MAD2L1BP: variants seen among roughly 807,000 people sequenced by gnomAD.
MAD2L1BP encodes the protein MAD2L1 binding protein, also known as MAD2L1-binding protein.
Under a neutral mutation model 28.4 loss-of-function variants are expected in MAD2L1BP, and 22 were observed. The observed-to-expected ratio is 0.77, with a 90% confidence interval of 0.55 to 1.10. MAD2L1BP has a LOEUF of 1.10. Among genes scored for constraint, MAD2L1BP ranks in the 50% least tolerant of loss-of-function variants. The pLI is 0.00. For missense variants in MAD2L1BP, 325 were observed against 350.5 expected, an observed-to-expected ratio of 0.93 and a Z score of 0.58; for synonymous variants, 146 against 133.7, an observed-to-expected ratio of 1.09 and a Z score of -0.63.
intron 2 of MAD2L1BP, among the ~76,000 whole-genome samples, chr6:43,639,138 T>G (rs1048783450): frequency 6.6e-6 from 1 of 151,826 alleles, no homozygotes; most frequent in African/African-American, 2.4e-5. Flanking sequence ...ACTCTTCATC[T>G]TCTTTCTTTT....
chr6:43,629,702 T>C (rs1484409741), exon 1 of MAD2L1BP: 4 of 1,548,180 alleles, frequency 2.6e-6, no homozygotes, highest in African/African-American at 2.7e-5. Flanking sequence ...CTGAGGCTAC[T>C]GGTGCCGCCA....
upstream of MAD2L1BP, among the ~76,000 whole-genome samples, chr6:43,634,752 C>T (rs922233406): frequency 8.6e-5 from 13 of 151,896 alleles, no homozygotes; most frequent in Admixed American, 2.6e-4. Flanking sequence ...GTAGAGACAG[C>T]GTTTCACCAT....
rs950859073 is a variant in MAD2L1BP at position 43,640,584 on chromosome 6, T to C, written c.*51T>C. The C allele has an allele frequency of 2.6e-6, 4 of 1,513,414 alleles. No homozygotes were observed. Among genetic ancestry groups the C allele is most frequent in the Non-Finnish European group, 3.5e-6 (4 of 1,130,696 alleles). 93.7% of individuals were successfully genotyped at this position (1,513,414 alleles called of 1,614,324 possible). Reference sequence around the variant, plus strand: ...ACAATGGCTGAATTATCTTTCTCCATGTGGCGCTGAATCACCCATCTGGTT... The same window carrying C: ...ACAATGGCTGAATTATCTTTCTCCACGTGGCGCTGAATCACCCATCTGGTT... On this transcript the variant is annotated 3_prime_UTR_variant, in exon 3 of 3. Coordinates refer to ENST00000372171, the MANE Select transcript of MAD2L1BP (RefSeq NM_014628.3).
Position 43,640,427 on chromosome 6 carries a change from AACTG to A in MAD2L1BP, c.724_727del (p.Thr242Ter), listed in dbSNP as rs1256620231. The A allele has an allele frequency of 6.2e-7, 1 of 1,613,924 alleles. No individual in the cohort carries two copies. The highest frequency in any genetic ancestry group is 8.5e-7 in the Non-Finnish European group (1 of 1,180,002). On this transcript the variant is annotated frameshift_variant, in exon 3 of 3. Transcript: ENST00000372171. LOFTEE classifies it high-confidence loss of function. ...TATCGAGTGCCCAGCCGGGGCCATA[AACTG>A]ACTGTGACCCTGTCATGTGGCAGAC...
At position 43,640,446 on chromosome 6, in the gene MAD2L1BP, A is replaced by G. The variant is rs761164210; in HGVS notation, c.738A>G (p.Ser246=). Reference sequence around the variant, plus strand: ...GCCATAAACTGACTGTGACCCTGTCATGTGGCAGACCTTCCATCCGAACCA... The same window carrying G: ...GCCATAAACTGACTGTGACCCTGTCGTGTGGCAGACCTTCCATCCGAACCA... ...SRGHKLTVTL[S]CGRPSIRTTA... is the part of the protein sequence containing the mutation. Residue 246 remains serine (S), a synonymous_variant, in exon 3 of 3, where the codon TCA becomes TCG. Coordinates refer to ENST00000372171, the MANE Select transcript of MAD2L1BP (RefSeq NM_014628.3). The G allele has an allele frequency of 1.2e-6, 2 of 1,613,842 alleles. No individual in the cohort carries two copies. Among genetic ancestry groups the G allele is most frequent in the East Asian group, 4.5e-5 (2 of 44,876 alleles).
At chr6:43,635,707 AAGGAGGAACGC>A (rs1490183185), upstream of MAD2L1BP, 1 of 605,372 alleles carries the variant, frequency 1.7e-6, no homozygotes, top group African/African-American at 2.0e-5. Flanking sequence ...CAGGGTGTTA[AAGGAGGAACGC>A]AGGGTTCAAA....
At chr6:43,636,922 G>A in intron 2 of MAD2L1BP, 1 of 396,512 alleles carries the variant, frequency 2.5e-6, no homozygotes, top group Non-Finnish European at 4.6e-6. Context: ...CTGTTGCCCA[G>A]GCTAGAGTGC....
At chr6:43,636,180 C>T (rs893393826) in intron 1 of MAD2L1BP, among the ~76,000 whole-genome samples, 2 of 152,158 alleles carry the variant, frequency 1.3e-5, no homozygotes, top group African/African-American at 2.4e-5. Context: ...CACTATCTTG[C>T]AGTCGATTAA....
chr6:43,631,469 T>C (rs1426933328), upstream of MAD2L1BP, among the ~76,000 whole-genome samples: 1 of 152,142 alleles, frequency 6.6e-6, no homozygotes, highest in African/African-American at 2.4e-5. Context: ...TCCCTTCATA[T>C]ACATGGATTA....
chr6:43,633,526 A>C (rs1770042354), upstream of MAD2L1BP, among the ~76,000 whole-genome samples: 1 of 151,508 alleles, frequency 6.6e-6, no homozygotes, highest in African/African-American at 2.4e-5. Context: ...ACTTCCTGAA[A>C]CACGCCCTTT....
intron 2 of MAD2L1BP, among the ~76,000 whole-genome samples, chr6:43,638,021 C>T (rs891244686): frequency 2.0e-5 from 3 of 152,160 alleles, no homozygotes; most frequent in African/African-American, 4.8e-5. Context: ...GCCTCAGCCT[C>T]GAAGTAGCTG....
At chr6:43,636,038 G>T (rs1770199036) in intron 1 of MAD2L1BP, 117 bp downstream of exon 1, 1 of 1,077,666 alleles carries the variant, frequency 9.3e-7, no homozygotes, top group Non-Finnish European at 1.4e-6. Flanking sequence ...CTGTCTTCCG[G>T]GTGTCCTACA....
intron 2 of MAD2L1BP, chr6:43,636,891 C>G (rs1770256911): frequency 3.9e-6 from 2 of 513,160 alleles, no homozygotes; most frequent in Non-Finnish European, 7.0e-6. Flanking sequence ...GCATTTTTTT[C>G]TTTTGAGACA....
At chr6:43,634,653 C>T (rs551674547), upstream of MAD2L1BP, among the ~76,000 whole-genome samples, 4 of 152,232 alleles carry the variant, frequency 2.6e-5, no homozygotes, top group South Asian at 2.1e-4. Flanking sequence ...CTCCGCCTCC[C>T]GGCTTCAAGC....
rs1036250775 is a variant in MAD2L1BP, at chr6:43,636,290, G to A, written c.47-91G>A. On this transcript the variant is annotated intron_variant, in intron 1 of 2. Transcript: ENST00000372171. ...TATGTCGGAGTGCCTGCTTTTTCAG[G>A]GTGGCTGGTTTGTCGGCCACAGGGA... 1.0e-5 allele frequency: 14 copies of A among 1,356,142 alleles called. No individual in the cohort carries two copies. In the Admixed American group the frequency reaches 1.5e-4, roughly 14 times the overall value. 84.0% of individuals were successfully genotyped at this position (1,356,142 alleles called of 1,614,324 possible). A position where few individuals can be genotyped will look rare whatever the true frequency, so the allele number is the denominator to read the frequency against.
In MAD2L1BP at chr6:43,640,385, T is replaced by A; in HGVS notation, c.677T>A (p.Phe226Tyr). 1 of 1,613,962 alleles carries A rather than the reference T, an allele frequency of 6.2e-7. No homozygotes were observed. Among genetic ancestry groups the A allele is most frequent in the Non-Finnish European group, 8.5e-7 (1 of 1,180,008 alleles). The part of the protein sequence containing the change: ...QGHRNCGEDW[F>Y]RPKLNYRVPS... ...CACCGCAACTGTGGAGAAGATTGGT[T>A]TCGACCCAAGCTCAACTATCGAGTG... Residue 226 changes from phenylalanine (F) to tyrosine (Y), a missense_variant, in exon 3 of 3, where the codon TTT becomes TAT. Physicochemically the swap from Phe to Tyr is conservative, Grantham distance 22. Coordinates refer to ENST00000372171, the MANE Select transcript of MAD2L1BP (RefSeq NM_014628.3).
At chr6:43,632,142 C>T (rs183088314), upstream of MAD2L1BP, among the ~76,000 whole-genome samples, 2 of 152,158 alleles carry the variant, frequency 1.3e-5, no homozygotes, top group African/African-American at 4.8e-5. Context: ...TCAGTTGATC[C>T]GCCTGCCTTG....
upstream of MAD2L1BP, among the ~76,000 whole-genome samples, chr6:43,635,124 C>A (rs754887600): frequency 6.6e-6 from 1 of 152,104 alleles, no homozygotes; most frequent in Non-Finnish European, 1.5e-5. Flanking sequence ...TTAATCATGC[C>A]ACTCTCCTAC....
chr6:43,634,226 T>C (rs1307717278), upstream of MAD2L1BP, among the ~76,000 whole-genome samples: 6 of 139,908 alleles, frequency 4.3e-5, no homozygotes, highest in Admixed American at 1.4e-4. Flanking sequence ...TTTTCTTTTT[T>C]TTTTTTTTTT....
Sources: allele counts gnomAD v4.1 joint callset (sites outside exome capture counted in the v4.1 genomes callset), GRCh38; gene constraint gnomAD v4.1.1; transcripts MANE v1.5; gene names NCBI Gene and HGNC (gene_info 2026-07-23, HGNC 2026-07-21).